DERA: variants seen among roughly 807,000 people sequenced by gnomAD.
The protein encoded by DERA is deoxyribose-phosphate aldolase.
DERA carries 15 observed loss-of-function variants against 41.1 expected under a neutral mutation model. The ratio of observed to expected loss-of-function variants is 0.37; its 90% CI spans 0.24 to 0.56. The LOEUF (loss-of-function observed/expected upper bound fraction) is 0.56, where lower values mean the gene tolerates loss of function less well. Ranked by LOEUF, DERA falls within the 20% of genes least tolerant of loss-of-function variation. The pLI is 0.81. For missense variants in DERA, 396 were observed against 403.4 expected (o/e 0.98, Z 0.16); for synonymous variants, 139 against 137.4 (o/e 1.01, Z -0.08).
In DERA at chr12:15,916,560, CCA is replaced by C. The variant is rs1258516040; in HGVS notation, c.31+5147_31+5148del. The stretch of plus-strand genomic sequence containing the variant: ...CCGCCTCCCGGGTTCAAGTGAGCCT[CCA>C]GTCTCAGCCTTCTGAGTAGCTGGGA... On this transcript the variant is annotated intron_variant, in intron 1 of 8. Transcript: ENST00000428559. Among the ~76,000 whole-genome samples, 6 of 151,488 alleles carry C rather than the reference CCA, an allele frequency of 4.0e-5. No homozygotes were observed. In the East Asian group the frequency reaches 7.8e-4, roughly 20 times the overall value.
At chr12:15,997,974 C>T (rs56352568) in intron 6 of DERA, among the ~76,000 whole-genome samples, 9,000 of 152,168 alleles carry the variant, frequency 0.059, 849 homozygotes, top group African/African-American at 0.2. Context: ...AACCTCAAAC[C>T]TCTCATTTTA....
rs1948942908 is a variant in DERA, at chr12:16,010,889, TATC to T, written c.638-21648_638-21646del. ...ACTGTAAAAAGAAACTCTACCCACT[TATC>T]ATCAATTGTTGAAAAAAAAGATTTA... is the stretch of plus-strand genomic sequence containing the variant. On this transcript the variant is annotated intron_variant, in intron 6 of 8. Transcript: ENST00000428559. The surrounding 1 kb of genome is among the most constrained non-coding windows in gnomAD (Gnocchi z 5.5). 6.8e-6 allele frequency among the ~76,000 whole-genome samples: 1 copy of T among 146,934 alleles called. No homozygotes were observed. Among genetic ancestry groups the T allele is most frequent in the African/African-American group, 2.7e-5 (1 of 36,452 alleles).
rs756174296 is a variant in DERA, at chr12:16,036,709, G to A, written c.920G>A (p.Gly307Glu). 8.7e-6 allele frequency: 14 copies of A among 1,602,636 alleles called. No homozygotes were observed. The highest frequency in any genetic ancestry group is 3.5e-5 in the Admixed American group (2 of 57,282). ...IERQIYHHVT[G>E]RYAAYHDLPM... ...TCACAGATTTACCATCATGTGACTG[G>A]AAGATATGCAGCTTATCATGATCTT... Residue 307 changes from glycine to glutamate, a missense_variant, in exon 9 of 9, where the codon GGA becomes GAA. Transcript: ENST00000428559. The surrounding 1 kb of genome is among the most constrained non-coding windows in gnomAD (Gnocchi z 4.9).
chr12:16,008,558 C>T lies in DERA; in HGVS notation c.638-23984C>T, dbSNP rs1948928224. Among the ~76,000 whole-genome samples the T allele has an allele frequency of 6.6e-6, 1 of 152,208 alleles. No individual in the cohort carries two copies. The highest frequency in any genetic ancestry group is 1.9e-4 in the East Asian group (1 of 5,198). Reference sequence around the variant, plus strand: ...GTAGGATATATTTGGATGTCCAGGTCAGCAGAGTGAAAGTAAACAGTCCAG... The same window carrying T: ...GTAGGATATATTTGGATGTCCAGGTTAGCAGAGTGAAAGTAAACAGTCCAG... On this transcript the variant is annotated intron_variant, in intron 6 of 8. Coordinates refer to ENST00000428559, the MANE Select transcript of DERA (RefSeq NM_015954.4). This position sits in a 1 kb window ranked among gnomAD's most constrained non-coding sequence, Gnocchi z 4.8.
At chr12:15,946,514 A>G (rs963788999) in intron 1 of DERA, among the ~76,000 whole-genome samples, 2 of 151,946 alleles carry the variant, frequency 1.3e-5, no homozygotes, top group Admixed American at 1.3e-4. Context: ...GTTTATTTGC[A>G]TAGAGGTGTT....
chr12:15,923,017 CTTT>C (rs1208644862), intron 1 of DERA, among the ~76,000 whole-genome samples: 7 of 104,426 alleles, frequency 6.7e-5, no homozygotes, highest in African/African-American at 2.5e-4. Flanking sequence ...TTTGTTTTTG[CTTT>C]TTTTTTTTTT....
chr12:15,991,984 G>A (rs1282835317), intron 6 of DERA, among the ~76,000 whole-genome samples: 1 of 151,776 alleles, frequency 6.6e-6, no homozygotes, highest in Non-Finnish European at 1.5e-5. Context: ...AGAATTAATT[G>A]ATCATGCTGT....
intron 1 of DERA, among the ~76,000 whole-genome samples, chr12:15,930,945 G>A (rs1252193888): frequency 6.6e-6 from 1 of 152,144 alleles, no homozygotes; most frequent in African/African-American, 2.4e-5. Flanking sequence ...TAATAGGGCA[G>A]TAAGTTTCAG....
intron 6 of DERA, among the ~76,000 whole-genome samples, chr12:16,027,425 G>A (rs1249695381): frequency 6.6e-6 from 1 of 152,232 alleles, no homozygotes; most frequent in Non-Finnish European, 1.5e-5. Flanking sequence ...GCTGTTGCAG[G>A]TGTGATTGAT....
intron 6 of DERA, among the ~76,000 whole-genome samples, chr12:16,025,173 A>G (rs933673735): frequency 6.6e-6 from 1 of 152,166 alleles, no homozygotes; most frequent in East Asian, 1.9e-4. Flanking sequence ...AATGCAACAA[A>G]TGGAAAAGTA....
chr12:15,971,500 T>G (rs2136155188), intron 5 of DERA, among the ~76,000 whole-genome samples: 1 of 146,786 alleles, frequency 6.8e-6, no homozygotes, highest in South Asian at 2.2e-4. Flanking sequence ...CATCTTTATA[T>G]CTCAACTCTT....
rs1948252810 is a variant in DERA at position 15,922,729 on chromosome 12, T to C, written c.31+11315T>C. ...TGGTTTATCTGGGAAGGATACAGGA[T>C]TGGGACCCAGGCACTTTAGTTGTAG... On this transcript the variant is annotated intron_variant, in intron 1 of 8. Coordinates refer to ENST00000428559, the MANE Select transcript of DERA (RefSeq NM_015954.4). The surrounding 1 kb of genome is among the most constrained non-coding windows in gnomAD (Gnocchi z 4.9). Among the ~76,000 whole-genome samples the C allele has an allele frequency of 6.6e-6, 1 of 152,184 alleles. No individual in the cohort carries two copies. Among genetic ancestry groups the C allele is most frequent in the South Asian group, 2.1e-4 (1 of 4,834 alleles).
At position 15,993,687 on chromosome 12, in the gene DERA, G is replaced by A. The variant is rs1592039984; in HGVS notation, c.637+11251G>A. On this transcript the variant is annotated intron_variant, in intron 6 of 8. Coordinates refer to ENST00000428559, the MANE Select transcript of DERA (RefSeq NM_015954.4). This position sits in a 1 kb window ranked among gnomAD's most constrained non-coding sequence, Gnocchi z 4.4. ...CTGGAAATTAGACTACTTATAGGGTGAAAACTAATTAACTTGCTGTCTCAT... is the reference window on the plus strand; with the variant it reads ...CTGGAAATTAGACTACTTATAGGGTAAAAACTAATTAACTTGCTGTCTCAT... 6.6e-6 allele frequency among the ~76,000 whole-genome samples: 1 copy of A among 152,102 alleles called. No homozygotes were observed. Among genetic ancestry groups the A allele is most frequent in the Non-Finnish European group, 1.5e-5 (1 of 68,018 alleles).
In DERA at chr12:16,010,382, A is replaced by C. The variant is rs1400304282; in HGVS notation, c.638-22160A>C. Among the ~76,000 whole-genome samples, 2 of 152,074 alleles carry C rather than the reference A, an allele frequency of 1.3e-5. No homozygotes were observed. The highest frequency in any genetic ancestry group is 2.9e-5 in the Non-Finnish European group (2 of 68,022). On this transcript the variant is annotated intron_variant, in intron 6 of 8. Coordinates refer to ENST00000428559, the MANE Select transcript of DERA (RefSeq NM_015954.4). The surrounding 1 kb of genome is among the most constrained non-coding windows in gnomAD (Gnocchi z 5.5). ...CTTCAGGAATTTGTGAATGATTCTG[A>C]TATCCCAGTGATATAAAACATGATC...
Position 15,981,681 on chromosome 12 carries a change from A to T in DERA, c.509-627A>T, listed in dbSNP as rs1948733845. ...GATGTGGTACTGGGGTCATGGGCTC[A>T]GGGGTTAACAGATTTAAGGCAGCAT... On this transcript the variant is annotated intron_variant, in intron 5 of 8. Transcript: ENST00000428559. The surrounding 1 kb of genome is among the most constrained non-coding windows in gnomAD (Gnocchi z 6.1). Among the ~76,000 whole-genome samples, 2 of 152,178 alleles carry T rather than the reference A, an allele frequency of 1.3e-5. No homozygotes were observed.
chr12:15,956,675 C>G (rs1047694243), intron 1 of DERA: 35 of 511,378 alleles, frequency 6.8e-5, no homozygotes, highest in African/African-American at 4.1e-4. Flanking sequence ...TCTTCCAGTT[C>G]CAAATGTATA....
chr12:15,949,527 C>T (rs575268909), intron 1 of DERA, among the ~76,000 whole-genome samples: 2 of 152,292 alleles, frequency 1.3e-5, no homozygotes, highest in African/African-American at 2.4e-5. Context: ...CCTGGTGTGC[C>T]GTTTGCTAAG....
intron 1 of DERA, among the ~76,000 whole-genome samples, chr12:15,937,449 C>T (rs750036272): frequency 3.9e-5 from 6 of 152,144 alleles, no homozygotes; most frequent in South Asian, 2.1e-4. Flanking sequence ...TAGCCACATC[C>T]GCCAGTAGTA....
chr12:15,982,353 C>T lies in DERA; in HGVS notation c.554C>T (p.Ala185Val). ...CAGTTTCGCAAGGCCTGTGGGGAGG[C>T]TCATCTTAAAACTATATTAGCGACA... Reference protein sequence around the residue: ...IRQFRKACGEAHLKTILATGE... With the variant: ...IRQFRKACGEVHLKTILATGE... Residue 185 changes from alanine (A) to valine (V), a missense_variant, in exon 6 of 9, where the codon GCT (alanine) becomes GTT (valine). Transcript: ENST00000428559. This position sits in a 1 kb window ranked among gnomAD's most constrained non-coding sequence, Gnocchi z 4.0. The T allele has an allele frequency of 6.2e-7, 1 of 1,613,832 alleles. No homozygotes were observed. The highest frequency in any genetic ancestry group is 1.1e-5 in the South Asian group (1 of 91,062).
Sources: gnomAD v4.1 joint callset for allele counts (sites outside exome capture counted in the v4.1 genomes callset) on GRCh38, gnomAD v4.1.1 for gene constraint, Gnocchi (gnomAD v3.1) non-coding constraint, MANE v1.5 for transcripts, NCBI Gene and HGNC (gene_info 2026-07-23, HGNC 2026-07-21) for gene names.